The following FRMD4A variants were observed in gnomAD, a reference collection of about 807,000 sequenced individuals.
FRMD4A encodes FERM domain containing 4A.
Under a neutral mutation model 129.1 loss-of-function variants are expected in FRMD4A, and 29 were observed. That is an observed-to-expected ratio of 0.22 (90% CI 0.17 to 0.31). The LOEUF is 0.31. Among genes scored for constraint, FRMD4A ranks in the 10% least tolerant of loss-of-function variants. The probability of loss-of-function intolerance (pLI) is 1.00; values close to 1 mark genes in which losing one functional copy is unlikely to be tolerated. For missense variants in FRMD4A, 1,272 were observed against 1,375.8 expected (o/e 0.92, Z 1.19); for synonymous variants, 634 against 571.6 (o/e 1.11, Z -1.56).
At chr10:13,699,612 G>T (rs3750880) in intron 14 of FRMD4A, among the ~76,000 whole-genome samples, 57,422 of 152,006 alleles carry the variant, frequency 0.38, 11,233 homozygotes, top group African/African-American at 0.49. Context: ...CTTTTCCTCT[G>T]TCCACACTGT....
intron 2 of FRMD4A, among the ~76,000 whole-genome samples, chr10:14,266,590 T>C (rs936308286): frequency 2.6e-5 from 4 of 152,034 alleles, no homozygotes; most frequent in Admixed American, 6.6e-5. Flanking sequence ...GAAAAATCTG[T>C]TTGAAAAATG....
intron 2 of FRMD4A, among the ~76,000 whole-genome samples, chr10:14,305,752 TA>T (rs1358627347): frequency 6.6e-6 from 1 of 151,840 alleles, no homozygotes; most frequent in Non-Finnish European, 1.5e-5. Context: ...ACAGACTGGA[TA>T]AAGAAAATGT....
intron 2 of FRMD4A, among the ~76,000 whole-genome samples, chr10:14,185,643 GC>G (rs1842098536): frequency 6.6e-6 from 1 of 152,216 alleles, no homozygotes; most frequent in Admixed American, 6.5e-5. Context: ...TCAGAGAGCT[GC>G]AGGGGCGGTT....
chr10:14,312,876 A>G (rs1846603096), intron 2 of FRMD4A, among the ~76,000 whole-genome samples: 1 of 152,102 alleles, frequency 6.6e-6, no homozygotes, highest in Admixed American at 6.5e-5. Context: ...AAAAAAAGAA[A>G]ATAAATAAAA....
chr10:14,142,086 T>C (rs1372301590), intron 2 of FRMD4A, among the ~76,000 whole-genome samples: 1 of 151,960 alleles, frequency 6.6e-6, no homozygotes, highest in Non-Finnish European at 1.5e-5. Context: ...CTAATAAAGA[T>C]GGAGACATTA....
chr10:13,688,834 C>T (rs1257887358), intron 15 of FRMD4A, among the ~76,000 whole-genome samples: 2 of 152,156 alleles, frequency 1.3e-5, no homozygotes, highest in Non-Finnish European at 2.9e-5. Flanking sequence ...TCTCCTGCCT[C>T]AGCCTCCCAA....
Position 13,888,509 on chromosome 10 carries a change from GTTAC to G in FRMD4A, c.46-29601_46-29598del, listed in dbSNP as rs569887431. 1.4e-3 allele frequency among the ~76,000 whole-genome samples: 219 copies of G among 152,294 alleles called. 2 individuals are homozygous for G. Among genetic ancestry groups the G allele is most frequent in the African/African-American group, 5.0e-3 (206 of 41,554 alleles). ...AGGTCATGAGGGCACATGGGCCTGA[GTTAC>G]TTGCTGATTCTATTAAGGTAAGAGA... On this transcript the variant is annotated intron_variant, in intron 2 of 24. Transcript: ENST00000357447.
chr10:13,797,187 ATCAGAAC>A (rs1449933301), intron 4 of FRMD4A, among the ~76,000 whole-genome samples: 1 of 152,148 alleles, frequency 6.6e-6, no homozygotes, highest in East Asian at 1.9e-4. Flanking sequence ...CGAAAATGTA[ATCAGAAC>A]TCTCCTTCTT....
intron 2 of FRMD4A, among the ~76,000 whole-genome samples, chr10:14,065,226 C>T (rs1834999938): frequency 6.6e-6 from 1 of 151,914 alleles, no homozygotes; most frequent in African/African-American, 2.4e-5. Flanking sequence ...CTCTGTCACC[C>T]AGGCTGGAGT....
intron 9 of FRMD4A, among the ~76,000 whole-genome samples, chr10:13,740,822 TG>T (rs1349666855): frequency 3.0e-4 from 37 of 123,030 alleles, no homozygotes; most frequent in East Asian, 1.2e-3. Flanking sequence ...TTGTCTTGGA[TG>T]TTTGTTTTTT....
intron 2 of FRMD4A, among the ~76,000 whole-genome samples, chr10:14,229,090 T>C (rs1243639835): frequency 2.0e-5 from 3 of 152,000 alleles, no homozygotes; most frequent in Non-Finnish European, 2.9e-5. Context: ...TTTTCTTGTT[T>C]TTTTTTTGTT....
chr10:14,197,904 A>G lies in FRMD4A; in HGVS notation c.45+132154T>C, dbSNP rs141790966. Among the ~76,000 whole-genome samples, 14 of 152,294 alleles carry G rather than the reference A, an allele frequency of 9.2e-5. No individual in the cohort carries two copies. The East Asian group carries it at 2.7e-3, about 29-fold the overall frequency. On this transcript the variant is annotated intron_variant, in intron 2 of 24. Transcript: ENST00000357447. ...AGACAGAATATTCTACTTATTCATC[A>G]CTGACCATCACTGACCATGTGTCAT...
At chr10:13,716,613 G>T (rs1452957682) in intron 12 of FRMD4A, among the ~76,000 whole-genome samples, 1 of 152,292 alleles carries the variant, frequency 6.6e-6, no homozygotes, top group African/African-American at 2.4e-5. Context: ...AATTGATTTG[G>T]TTCATTCAGT....
chr10:14,102,476 C>A (rs1837359428), intron 2 of FRMD4A, among the ~76,000 whole-genome samples: 1 of 152,102 alleles, frequency 6.6e-6, no homozygotes, highest in Admixed American at 6.5e-5. Flanking sequence ...TTGAGTAATT[C>A]CCTACTTATT....
intron 2 of FRMD4A, among the ~76,000 whole-genome samples, chr10:14,111,395 A>C (rs779272248): frequency 5.9e-5 from 9 of 152,202 alleles, no homozygotes; most frequent in Non-Finnish European, 8.8e-5. Flanking sequence ...ATGATGAAAT[A>C]ACATCCCAAG....
chr10:14,286,442 A>AT (rs1435471230), intron 2 of FRMD4A, among the ~76,000 whole-genome samples: 13 of 152,132 alleles, frequency 8.5e-5, no homozygotes, highest in Non-Finnish European at 1.8e-4. Flanking sequence ...CTCAAATTGC[A>AT]TTTTTTATAT....
chr10:14,161,840 C>T (rs72778618), intron 2 of FRMD4A, among the ~76,000 whole-genome samples: 2 of 152,136 alleles, frequency 1.3e-5, no homozygotes, highest in African/African-American at 2.4e-5. Context: ...GATAAATGTT[C>T]AAGGTGATGG....
rs761060429 is a variant in FRMD4A at position 13,657,420 on chromosome 10, G to A, written c.2169C>T (p.Asn723=). 7.5e-6 allele frequency: 12 copies of A among 1,607,940 alleles called. No individual in the cohort carries two copies. In the Admixed American group the frequency reaches 1.7e-4, roughly 22 times the overall value. Residue 723 remains asparagine (N), a synonymous_variant, in exon 22 of 25, where the codon AAC becomes AAT. Coordinates refer to ENST00000357447, the MANE Select transcript of FRMD4A (RefSeq NM_018027.5). ...ESQGKLLGSE[N]DTGSPDFYTP... is the part of the protein sequence containing the mutation. ...TGTAGAAGTCGGGGCTCCCGGTGTC[G>A]TTTTCCGAGCCCAGGAGCTTGCCCT...
chr10:14,036,698 T>A (rs2131668493), intron 2 of FRMD4A, among the ~76,000 whole-genome samples: 1 of 152,318 alleles, frequency 6.6e-6, no homozygotes, highest in African/African-American at 2.4e-5. Context: ...TTCACCTCCC[T>A]CAGCCTCCCG....
Sources: allele counts gnomAD v4.1 joint callset (sites outside exome capture counted in the v4.1 genomes callset), GRCh38; gene constraint gnomAD v4.1.1; transcripts MANE v1.5; gene names NCBI Gene and HGNC (gene_info 2026-07-23, HGNC 2026-07-21).